The following DICER1 variants were observed in gnomAD, a reference collection of about 807,000 sequenced individuals.
DICER1 encodes the protein endoribonuclease Dicer.
In DICER1, 43 loss-of-function variants were observed where a neutral mutation model predicts 194.1. That is an observed-to-expected ratio of 0.22 (90% confidence interval 0.17 to 0.29). DICER1 has a LOEUF of 0.29. DICER1 is among the 10% of genes least tolerant of loss of function. DICER1 has a pLI of 1.00. For synonymous variants in DICER1, 832 were observed against 820.5 expected, an observed-to-expected ratio of 1.01 and a Z score of -0.24; for missense variants, 1,608 against 2,317.0, an observed-to-expected ratio of 0.69 and a Z score of 6.28.
chr14:95,139,466 G>A (rs1052554199), intron 1 of DICER1, among the ~76,000 whole-genome samples: 1 of 152,164 alleles, frequency 6.6e-6, no homozygotes, highest in Non-Finnish European at 1.5e-5. Flanking sequence ...GCTTCTATTT[G>A]CCTTTCATAA....
intron 1 of DICER1, among the ~76,000 whole-genome samples, chr14:95,147,357 T>G (rs563628992): frequency 6.6e-6 from 1 of 152,130 alleles, no homozygotes; most frequent in Admixed American, 6.5e-5. Context: ...TCCCAACTCC[T>G]CAGGAGGCTG....
chr14:95,093,916 T>C lies in DICER1; in HGVS notation c.5336A>G (p.Lys1779Arg). ...IDDFVQFQLE[K>R]NEMQGMDSEL... ...AGAATCCATTCCTTGCATTTCATTC[T>C]TCTCAAGCTGAAACTGCACAAAGTC... The change falls in exon 24 of 27, where the codon AAG (lysine) becomes AGG (arginine). Residue 1779 changes from lysine (K) to arginine (R), a missense_variant. Physicochemically the swap from Lys to Arg is conservative, Grantham distance 26. This residue lies in a region of DICER1 where 138 missense variants were observed against 298.3 expected (regional missense o/e 0.46). Coordinates refer to ENST00000343455, the MANE Select transcript of DICER1 (RefSeq NM_177438.3). The C allele has an allele frequency of 6.2e-7, 1 of 1,614,214 alleles. No individual in the cohort carries two copies. Among genetic ancestry groups the C allele is most frequent in the Non-Finnish European group, 8.5e-7 (1 of 1,180,034 alleles).
In DICER1 at chr14:95,147,450, G is replaced by C. The variant is rs1895210635; in HGVS notation, c.-46+9780C>G. The stretch of plus-strand genomic sequence containing the variant: ...ACTCCAGAGTAAGACCCTGTCTCTA[G>C]AATGAATGAATTAATGAGTAAAAAC... On this transcript the variant is annotated intron_variant, in intron 1 of 26. Transcript: ENST00000343455. Among the ~76,000 whole-genome samples, 5 of 152,230 alleles carry C rather than the reference G, an allele frequency of 3.3e-5. No homozygotes were observed. In the South Asian group the frequency reaches 1.0e-3, roughly 32 times the overall value.
chr14:95,153,110 G>C (rs562951557), intron 1 of DICER1, among the ~76,000 whole-genome samples: 1 of 152,048 alleles, frequency 6.6e-6, no homozygotes, highest in Non-Finnish European at 1.5e-5. Flanking sequence ...CCAGCTACTC[G>C]GGAGGCTGAG....
chr14:95,146,990 T>C (rs1895178650), intron 1 of DICER1, among the ~76,000 whole-genome samples: 2 of 152,122 alleles, frequency 1.3e-5, no homozygotes, highest in South Asian at 2.1e-4. Flanking sequence ...GAGAGAAAAT[T>C]AGTTTACCCA....
At chr14:95,129,249 C>G in intron 6 of DICER1, 1 of 510,584 alleles carries the variant, frequency 2.0e-6, no homozygotes, top group Non-Finnish European at 3.5e-6. Context: ...CACATAATCT[C>G]TTAAGGCAGA....
chr14:95,157,129 G>A (rs1292899183), intron 1 of DICER1, 101 bp downstream of exon 1: 1 of 150,068 alleles, frequency 6.7e-6, no homozygotes, highest in Non-Finnish European at 1.5e-5. Flanking sequence ...GCGGCTCGGG[G>A]CCATGGCCGG....
chr14:95,115,064 T>C (rs1892315851), intron 11 of DICER1, among the ~76,000 whole-genome samples: 1 of 152,182 alleles, frequency 6.6e-6, no homozygotes, highest in Non-Finnish European at 1.5e-5. Flanking sequence ...TGAGTCTCTC[T>C]TGGTGTCTGG....
In DICER1 at chr14:95,096,479, A is replaced by G. The variant is rs778414751; in HGVS notation, c.4441T>C (p.Trp1481Arg). Residue 1481 changes from tryptophan to arginine, a missense_variant, in exon 23 of 27, where the codon TGG (tryptophan) becomes CGG (arginine). Physicochemically the swap from Trp to Arg is moderately radical, Grantham distance 101. Coordinates refer to ENST00000343455, the MANE Select transcript of DICER1 (RefSeq NM_177438.3). The stretch of plus-strand genomic sequence containing the variant: ...AAGGAGGATTTTTTGGGCATTTTCC[A>G]TTCATATGCAGAATCAGTGGTTGAA... ...PFSTTDSAYE[W>R]KMPKKSSLGS... 2 of 1,614,126 alleles carry G rather than the reference A, an allele frequency of 1.2e-6. No homozygotes were observed. The highest frequency in any genetic ancestry group is 1.7e-6 in the Non-Finnish European group (2 of 1,180,040).
rs1892400841 is a variant in DICER1 at position 95,115,817 on chromosome 14, A to G, written c.1757T>C (p.Leu586Ser). ...LKTYKAIEKI[L>S]RNKCSKSVDT... ...AACCGACTTGGAACACTTGTTTCTC[A>G]AGATCTGAACATTTAAAAAACAGAA... The change falls in exon 11 of 27, where the codon TTG becomes TCG. Residue 586 changes from leucine to serine, a missense_variant. Physicochemically the swap from Leu to Ser is moderately radical, Grantham distance 145. This residue lies in a region of DICER1 where 657 missense variants were observed against 910.1 expected (regional missense o/e 0.72). Transcript: ENST00000343455. 1 of 1,613,986 alleles carries G rather than the reference A, an allele frequency of 6.2e-7. No homozygotes were observed. The highest frequency in any genetic ancestry group is 1.3e-5 in the African/African-American group (1 of 74,908).
At chr14:95,101,932 G>A (rs906280725) in intron 21 of DICER1, among the ~76,000 whole-genome samples, 1 of 152,166 alleles carries the variant, frequency 6.6e-6, no homozygotes, top group African/African-American at 2.4e-5. Flanking sequence ...GGTCTCCAAA[G>A]CCAGGCTGTC....
intron 22 of DICER1, among the ~76,000 whole-genome samples, chr14:95,098,242 G>GA (rs1890542606): frequency 6.6e-6 from 1 of 152,070 alleles, no homozygotes; most frequent in Non-Finnish European, 1.5e-5. Context: ...AGCCTTTTAA[G>GA]AAAAAACAGC....
rs186388543 is a variant in DICER1 at position 95,086,942 on chromosome 14, A to G, written c.*3556T>C. 1.7e-4 allele frequency: 39 copies of G among 232,966 alleles called. No homozygotes were observed. The highest frequency in any genetic ancestry group is 7.9e-4 in the African/African-American group (36 of 45,418). 14.4% of individuals were successfully genotyped at this position (232,966 alleles called of 1,614,324 possible). A position where few individuals can be genotyped will look rare whatever the true frequency, so the allele number is the denominator to read the frequency against. On this transcript the variant is annotated 3_prime_UTR_variant, in exon 27 of 27. Coordinates refer to ENST00000343455, the MANE Select transcript of DICER1 (RefSeq NM_177438.3). The stretch of plus-strand genomic sequence containing the variant: ...TGCAGATAATGCAAATGGGTTAAAG[A>G]CTCTTAACATAATTTCAGATGCAGT...
chr14:95,119,457 C>G (rs1162641672), intron 8 of DICER1, among the ~76,000 whole-genome samples: 1 of 152,156 alleles, frequency 6.6e-6, no homozygotes, highest in Non-Finnish European at 1.5e-5. Flanking sequence ...TAACCAGTAC[C>G]CAGGACAAAG....
rs2140296270 is a variant in DICER1 at position 95,133,411 on chromosome 14, G to A, written c.48C>T (p.Leu16=). The part of the protein sequence containing the change: ...LQPLSMAGLQ[L]MTPASSPMGP... ...CCATTGGTGAGGAAGCAGGGGTCAT[G>A]AGCTGCAGGCCTGCCATGCTGAGGG... Residue 16 remains leucine, a synonymous_variant, in exon 2 of 27, where the codon CTC becomes CTT. Transcript: ENST00000343455. 1 of 1,614,068 alleles carries A rather than the reference G, an allele frequency of 6.2e-7. No homozygotes were observed. The highest frequency in any genetic ancestry group is 8.5e-7 in the Non-Finnish European group (1 of 1,179,988).
At chr14:95,151,426 T>C (rs770227684) in intron 1 of DICER1, among the ~76,000 whole-genome samples, 28 of 152,202 alleles carry the variant, frequency 1.8e-4, no homozygotes, top group Non-Finnish European at 3.2e-4. Context: ...AATACACGTA[T>C]TTAAAAGAAA....
chr14:95,105,708 T>C lies in DICER1; in HGVS notation c.3063A>G (p.Lys1021=). 1 of 1,614,090 alleles carries C rather than the reference T, an allele frequency of 6.2e-7. No individual in the cohort carries two copies. Among genetic ancestry groups the C allele is most frequent in the Non-Finnish European group, 8.5e-7 (1 of 1,179,914 alleles). The change falls in exon 19 of 27, where the codon AAA becomes AAG. Residue 1021 remains lysine (K), a synonymous_variant. Coordinates refer to ENST00000343455, the MANE Select transcript of DICER1 (RefSeq NM_177438.3). The surrounding 1 kb of genome is among the most constrained non-coding windows in gnomAD (Gnocchi z 4.9). ...ALPLSSAEKR[K]AKWESLQNKQ... is the part of the protein sequence containing the mutation. ...TATTCTGCAGACTTTCCCATTTGGC[T>C]TTCCTCTTCTCAGCACTGCTTAAAG...
chr14:95,091,016 T>G lies in DICER1; in HGVS notation c.5603+18A>C. The G allele has an allele frequency of 1.9e-6, 3 of 1,605,288 alleles. No individual in the cohort carries two copies. The highest frequency in any genetic ancestry group is 2.2e-5 in the East Asian group (1 of 44,840). ...TGTTTTTAAGTTAATGTTTTTTCCA[T>G]GTACATTTTTTGCTTACCTAAATTT... is the stretch of plus-strand genomic sequence containing the variant. On this transcript the variant is annotated intron_variant, in intron 26 of 26. Coordinates refer to ENST00000343455, the MANE Select transcript of DICER1 (RefSeq NM_177438.3).
chr14:95,126,822 C>CAAAAAAAAAAAAAAAGGAAAAAAAAAAA, intron 6 of DICER1, 74 bp from the exon 7 acceptor site: 1 of 342,248 alleles, frequency 2.9e-6, no homozygotes, highest in Non-Finnish European at 4.6e-6. Context: ...TTTCAAAAAG[C>CAAAAAAAAAAAAAAAGGAAAAAAAAAAA]AAAAAAAAAA....
Sources: gnomAD v4.1 joint callset for allele counts (sites outside exome capture counted in the v4.1 genomes callset) on GRCh38, gnomAD v4.1.1 for gene constraint, gnomAD v4.1.1 regional missense constraint, Gnocchi (gnomAD v3.1) non-coding constraint, MANE v1.5 for transcripts, NCBI Gene and HGNC (gene_info 2026-07-23, HGNC 2026-07-21) for gene names.